BCAS3: variants seen among roughly 807,000 people sequenced by gnomAD.
The protein encoded by BCAS3 is BCAS4/BCAS3 fusion.
A neutral mutation model predicts 116.1 loss-of-function variants in BCAS3; 53 were observed. That is an observed-to-expected ratio of 0.46 (90% CI 0.37 to 0.57). The LOEUF (loss-of-function observed/expected upper bound fraction) is 0.57, where lower values mean the gene tolerates loss of function less well. Among genes scored for constraint, BCAS3 ranks in the 20% least tolerant of loss-of-function variants. The probability of loss-of-function intolerance (pLI) is 0.00; values close to 1 mark genes in which losing one functional copy is unlikely to be tolerated. For missense variants in BCAS3, 917 were observed against 1,165.4 expected (o/e 0.79, Z 3.10); for synonymous variants, 391 against 408.2 (o/e 0.96, Z 0.51).
At chr17:60,706,415 C>T (rs762455306) in intron 4 of BCAS3, among the ~76,000 whole-genome samples, 3 of 152,050 alleles carry the variant, frequency 2.0e-5, no homozygotes, top group Non-Finnish European at 4.4e-5. Flanking sequence ...ATTTTCTCTT[C>T]TGTATATTCG....
chr17:60,995,397 A>G lies in BCAS3; in HGVS notation c.1486+5162A>G, dbSNP rs1009142361. 2.6e-5 allele frequency among the ~76,000 whole-genome samples: 4 copies of G among 151,786 alleles called. No homozygotes were observed. The highest frequency in any genetic ancestry group is 9.7e-5 in the African/African-American group (4 of 41,320). ...TGAACTCCTGACCTCACCGTGAGTG[A>G]GTGATCTGCCCACCGTGGCCTCCCA... is the stretch of plus-strand genomic sequence containing the variant. On this transcript the variant is annotated intron_variant, in intron 15 of 23. Coordinates refer to ENST00000407086, the MANE Select transcript of BCAS3 (RefSeq NM_017679.5). The surrounding 1 kb of genome is among the most constrained non-coding windows in gnomAD (Gnocchi z 4.7).
chr17:61,390,492 G>T lies in BCAS3; in HGVS notation c.2594-1485G>T, dbSNP rs7211156. 0.045 allele frequency: 6,785 copies of T among 152,086 alleles called. 457 individuals carry two copies. The highest frequency in any genetic ancestry group is 0.15 in the African/African-American group (6,106 of 41,336). 9.4% of individuals were successfully genotyped at this position (152,086 alleles called of 1,614,324 possible). ...CCTACTTTCCCCAATTTGCCAAGAA[G>T]CCCTGGTGTCCCAGTGAACTGTCCC... On this transcript the variant is annotated intron_variant, in intron 23 of 23. Coordinates refer to ENST00000407086, the MANE Select transcript of BCAS3 (RefSeq NM_017679.5). This position sits in a 1 kb window ranked among gnomAD's most constrained non-coding sequence, Gnocchi z 6.8.
intron 23 of BCAS3, among the ~76,000 whole-genome samples, chr17:61,373,397 A>G (rs2059150357): frequency 1.3e-5 from 2 of 150,976 alleles, no homozygotes; most frequent in Admixed American, 1.3e-4. Flanking sequence ...GCCCCTATTT[A>G]AAGTATTCTT....
chr17:60,695,845 T>C (rs2035523640), intron 4 of BCAS3, among the ~76,000 whole-genome samples: 1 of 152,156 alleles, frequency 6.6e-6, no homozygotes. Flanking sequence ...GGAATCCTCC[T>C]GCCTCAGCCT....
chr17:61,005,044 C>T (rs1039865546), intron 15 of BCAS3, among the ~76,000 whole-genome samples: 2 of 152,042 alleles, frequency 1.3e-5, no homozygotes, highest in African/African-American at 2.4e-5. Context: ...GGCAGTGCTC[C>T]AGCTGATTAG....
At chr17:60,789,024 A>G (rs2046524853) in intron 6 of BCAS3, among the ~76,000 whole-genome samples, 1 of 152,188 alleles carries the variant, frequency 6.6e-6, no homozygotes, top group East Asian at 1.9e-4. Context: ...TGATTTCAGT[A>G]AAATAAAAAA....
At chr17:61,255,893 G>T (rs1568680665) in intron 22 of BCAS3, among the ~76,000 whole-genome samples, 1 of 152,150 alleles carries the variant, frequency 6.6e-6, no homozygotes, top group Admixed American at 6.5e-5. Flanking sequence ...CAAGGTGGAT[G>T]GTTTTCTTAC....
intron 2 of BCAS3, among the ~76,000 whole-genome samples, chr17:60,680,829 G>A (rs1307907503): frequency 6.6e-6 from 1 of 152,196 alleles, no homozygotes; most frequent in East Asian, 1.9e-4. Flanking sequence ...TGTATTTTTA[G>A]CAAAGACGGG....
Position 61,037,592 on chromosome 17 carries a change from C to T in BCAS3, c.1763-297C>T, listed in dbSNP as rs1458785080. Among the ~76,000 whole-genome samples the T allele has an allele frequency of 2.6e-5, 4 of 151,952 alleles. No homozygotes were observed. The highest frequency in any genetic ancestry group is 2.1e-4 in the South Asian group (1 of 4,820). On this transcript the variant is annotated intron_variant, in intron 17 of 23. Transcript: ENST00000407086. The surrounding 1 kb of genome is among the most constrained non-coding windows in gnomAD (Gnocchi z 4.7). ...TTCGAGACCAGCCTGACCAACACGG[C>T]GAAACCCTATCTCTACTAAAAATAC...
chr17:61,116,553 A>G (rs1276317136), intron 22 of BCAS3, among the ~76,000 whole-genome samples: 3 of 152,222 alleles, frequency 2.0e-5, no homozygotes. Context: ...AAAAGCTTAT[A>G]GTATTTAACC....
intron 5 of BCAS3, among the ~76,000 whole-genome samples, chr17:60,712,694 C>G (rs1466428390): frequency 6.6e-6 from 1 of 152,158 alleles, no homozygotes; most frequent in Non-Finnish European, 1.5e-5. Flanking sequence ...ATTATCCCCT[C>G]TCCCTCTGAA....
At chr17:61,334,300 A>C (rs569474619) in intron 22 of BCAS3, among the ~76,000 whole-genome samples, 1 of 152,326 alleles carries the variant, frequency 6.6e-6, no homozygotes, top group African/African-American at 2.4e-5. Flanking sequence ...TGGGCAAGTT[A>C]TGTAACTTCT....
chr17:60,692,052 CAA>C (rs773823418), intron 4 of BCAS3, among the ~76,000 whole-genome samples: 12 of 109,846 alleles, frequency 1.1e-4, no homozygotes, highest in East Asian at 2.6e-4. Flanking sequence ...AACTCTGTCT[CAA>C]AAAAAAAAAA....
chr17:61,273,661 C>T (rs149323127), intron 22 of BCAS3, among the ~76,000 whole-genome samples: 12 of 150,032 alleles, frequency 8.0e-5, no homozygotes, highest in African/African-American at 2.9e-4. Context: ...AATGCCTGAC[C>T]CTCCCTCTAA....
intron 7 of BCAS3, among the ~76,000 whole-genome samples, chr17:60,846,827 CTT>C (rs1233961427): frequency 2.0e-5 from 3 of 151,986 alleles, no homozygotes; most frequent in African/African-American, 4.8e-5. Context: ...GTTGAGGTGA[CTT>C]TACATAATAT....
chr17:60,938,974 A>G (rs965279279), intron 13 of BCAS3, among the ~76,000 whole-genome samples: 1 of 152,182 alleles, frequency 6.6e-6, no homozygotes, highest in African/African-American at 2.4e-5. Flanking sequence ...TGAGAATGTA[A>G]AATTATACAA....
chr17:60,827,745 TC>T (rs34573936), intron 7 of BCAS3, among the ~76,000 whole-genome samples: 7 of 139,470 alleles, frequency 5.0e-5, no homozygotes, highest in African/African-American at 1.3e-4. Context: ...TTCCTGTTCC[TC>T]CCCCTGTAGA....
intron 9 of BCAS3, chr17:60,887,560 C>G (rs1339759829): frequency 1.3e-5 from 2 of 152,306 alleles, no homozygotes; most frequent in African/African-American, 2.4e-5. Context: ...AGTCCAAATG[C>G]TTTTGCATTT....
At chr17:60,719,479 T>G (rs1162831870) in intron 5 of BCAS3, among the ~76,000 whole-genome samples, 1 of 152,214 alleles carries the variant, frequency 6.6e-6, no homozygotes, top group Non-Finnish European at 1.5e-5. Flanking sequence ...TTTTGATGAG[T>G]ATGTTTAGAC....
Sources: gnomAD v4.1 joint callset for allele counts (sites outside exome capture counted in the v4.1 genomes callset) on GRCh38, gnomAD v4.1.1 for gene constraint, Gnocchi (gnomAD v3.1) non-coding constraint, MANE v1.5 for transcripts, NCBI Gene and HGNC (gene_info 2026-07-23, HGNC 2026-07-21) for gene names.